CTNNA1: variants seen among roughly 807,000 people sequenced by gnomAD.
CTNNA1 encodes catenin alpha-1.
In CTNNA1, 37 loss-of-function variants were observed where a neutral mutation model predicts 98.4. That is an observed-to-expected ratio of 0.38 (90% CI 0.29 to 0.49). CTNNA1 has a LOEUF of 0.49. Ranked by LOEUF, CTNNA1 falls within the 20% of genes least tolerant of loss-of-function variation. The pLI is 0.95. For missense variants in CTNNA1, 761 were observed against 1,147.2 expected, an observed-to-expected ratio of 0.66 and a Z score of 4.86; for synonymous variants, 404 against 413.2, an observed-to-expected ratio of 0.98 and a Z score of 0.27.
At chr5:138,780,925 C>G (rs920282117) in intron 1 of CTNNA1, among the ~76,000 whole-genome samples, 1 of 141,494 alleles carries the variant, frequency 7.1e-6, no homozygotes, top group Non-Finnish European at 1.5e-5. Flanking sequence ...ATTGAAGGCA[C>G]TACTTTTAGA....
chr5:138,929,327 G>A lies in CTNNA1; in HGVS notation c.1981G>A (p.Asp661Asn), dbSNP rs1021590336. 1.2e-6 allele frequency: 2 copies of A among 1,607,218 alleles called. No individual in the cohort carries two copies. Among genetic ancestry groups the A allele is most frequent in the East Asian group, 2.2e-5 (1 of 44,856 alleles). ...RSRTSVQTEDDQLIAGQSARA... is the reference protein window; with the variant it reads ...RSRTSVQTEDNQLIAGQSARA... Reference sequence around the variant, plus strand: ...CAGGACGAGCGTCCAGACAGAAGACGATCAGCTGATAGCTGGCCAGAGTGC... The same window carrying A: ...CAGGACGAGCGTCCAGACAGAAGACAATCAGCTGATAGCTGGCCAGAGTGC... The change falls in exon 14 of 18, where the codon GAT becomes AAT. Residue 661 changes from aspartate (D) to asparagine (N), a missense_variant. This residue lies in a region of CTNNA1 where 77 missense variants were observed against 198.8 expected (regional missense o/e 0.39). Transcript: ENST00000302763.
intron 7 of CTNNA1, among the ~76,000 whole-genome samples, chr5:138,839,114 G>T (rs1356558768): frequency 6.6e-6 from 1 of 152,066 alleles, no homozygotes; most frequent in South Asian, 2.1e-4. Flanking sequence ...CATAAACTTT[G>T]CATGATTTCA....
chr5:138,819,228 G>A (rs1326765047), intron 5 of CTNNA1, among the ~76,000 whole-genome samples: 1 of 152,124 alleles, frequency 6.6e-6, no homozygotes, highest in Non-Finnish European at 1.5e-5. Flanking sequence ...GTGGAGCTTG[G>A]CAGTATCCTA....
intron 1 of CTNNA1, among the ~76,000 whole-genome samples, chr5:138,768,888 C>T (rs538166023): frequency 1.3e-5 from 2 of 152,166 alleles, no homozygotes; most frequent in East Asian, 3.9e-4. Context: ...TTAATTGCTA[C>T]AGTGATCTGC....
rs1753036044 is a variant in CTNNA1, at chr5:138,767,222, GAGAC to G, written c.-3+13715_-3+13718del. On this transcript the variant is annotated intron_variant, in intron 1 of 17. Transcript: ENST00000302763. ...GGCTAATTTTTTGTATTTTTTAGTA[GAGAC>G]AGGGTTTCACTGTGTTAGCCAGGAT... is the stretch of plus-strand genomic sequence containing the variant. 2.0e-5 allele frequency among the ~76,000 whole-genome samples: 3 copies of G among 152,204 alleles called. No individual in the cohort carries two copies. The South Asian group carries it at 6.2e-4, about 32-fold the overall frequency.
At chr5:138,932,848 C>T (rs765027278) in intron 17 of CTNNA1, 136 bp downstream of exon 17, 4 of 1,079,052 alleles carry the variant, frequency 3.7e-6, no homozygotes, top group Non-Finnish European at 5.7e-6. Context: ...CTGTCCCAGT[C>T]TCTGGAGACC....
intron 7 of CTNNA1, among the ~76,000 whole-genome samples, chr5:138,835,175 G>A (rs886546772): frequency 2.0e-5 from 3 of 152,174 alleles, no homozygotes; most frequent in African/African-American, 7.2e-5. Flanking sequence ...CGCTTCTTTT[G>A]TGGATCTTCA....
At chr5:138,759,719 C>G (rs1381688847) in intron 1 of CTNNA1, among the ~76,000 whole-genome samples, 3 of 152,148 alleles carry the variant, frequency 2.0e-5, no homozygotes, top group Non-Finnish European at 2.9e-5. Flanking sequence ...CAAGCTGTTT[C>G]AGGAATGCAT....
intron 9 of CTNNA1, among the ~76,000 whole-genome samples, chr5:138,902,520 C>T (rs865786480): frequency 1.3e-5 from 2 of 152,184 alleles, no homozygotes; most frequent in Admixed American, 6.5e-5. Flanking sequence ...CTCAGGTTCA[C>T]GCCATTCTCC....
At chr5:138,808,633 A>G (rs1758359995) in intron 3 of CTNNA1, among the ~76,000 whole-genome samples, 1 of 150,976 alleles carries the variant, frequency 6.6e-6, no homozygotes, top group Non-Finnish European at 1.5e-5. Context: ...GCATCCAAAG[A>G]TGATAGCTAG....
At chr5:138,783,830 C>A (rs919045215) in intron 3 of CTNNA1, among the ~76,000 whole-genome samples, 3 of 152,146 alleles carry the variant, frequency 2.0e-5, no homozygotes, top group African/African-American at 7.2e-5. Context: ...TCTGAAAATA[C>A]TCTAGAAATT....
At chr5:138,867,459 T>C (rs1469290049) in intron 7 of CTNNA1, among the ~76,000 whole-genome samples, 1 of 152,218 alleles carries the variant, frequency 6.6e-6, no homozygotes, top group Non-Finnish European at 1.5e-5. Context: ...TAGAATCCTG[T>C]CCTGAGGATG....
Position 138,925,257 on chromosome 5 carries a change from C to T in CTNNA1, c.1749C>T (p.Val583=), listed in dbSNP as rs1203628463. 6.2e-7 allele frequency: 1 copy of T among 1,613,726 alleles called. No individual in the cohort carries two copies. Among genetic ancestry groups the T allele is most frequent in the African/African-American group, 1.3e-5 (1 of 75,038 alleles). Reference sequence around the variant, plus strand: ...TCTACTGTGCCTCTTTCTCCACAGTCATGCCACGTTTTACTGAGCAAGTAG... The same window carrying T: ...TCTACTGTGCCTCTTTCTCCACAGTTATGCCACGTTTTACTGAGCAAGTAG... ...LEATKLLSNT[V]MPRFTEQVEA... The change falls in exon 13 of 18, where the codon GTC becomes GTT. Residue 583 remains valine (V), a splice_region_variant and synonymous_variant. Transcript: ENST00000302763.
chr5:138,812,440 T>A (rs1758929202), intron 5 of CTNNA1, 138 bp downstream of exon 5: 1 of 880,270 alleles, frequency 1.1e-6, no homozygotes, highest in African/African-American at 1.7e-5. Flanking sequence ...AACTAAGGTG[T>A]CTTTTCAGTA....
chr5:138,754,020 C>A (rs961638455), intron 1 of CTNNA1: 1 of 152,306 alleles, frequency 6.6e-6, no homozygotes, highest in Non-Finnish European at 1.5e-5. Flanking sequence ...GCTGAGACTT[C>A]CCGATGGGGC....
chr5:138,825,691 A>G (rs1230413408), intron 6 of CTNNA1, among the ~76,000 whole-genome samples: 2 of 151,758 alleles, frequency 1.3e-5, no homozygotes, highest in Admixed American at 1.3e-4. Context: ...TTCTTTTGCC[A>G]CTTTACTTTC....
chr5:138,892,906 C>T (rs1381411662), intron 9 of CTNNA1, among the ~76,000 whole-genome samples: 1 of 151,816 alleles, frequency 6.6e-6, no homozygotes, highest in Non-Finnish European at 1.5e-5. Context: ...ATCCCAGCTA[C>T]TCGGGAGGCT....
At chr5:138,889,922 T>C (rs1434774540) in intron 9 of CTNNA1, among the ~76,000 whole-genome samples, 1 of 152,230 alleles carries the variant, frequency 6.6e-6, no homozygotes. Flanking sequence ...TATGGCAGAA[T>C]TTTATTCTTC....
intron 3 of CTNNA1, among the ~76,000 whole-genome samples, chr5:138,805,346 A>G (rs1057254752): frequency 6.6e-6 from 1 of 152,206 alleles, no homozygotes; most frequent in Non-Finnish European, 1.5e-5. Flanking sequence ...CTGTCTTCCA[A>G]AGTAGCTGCA....
Sources: gnomAD v4.1 joint callset for allele counts (sites outside exome capture counted in the v4.1 genomes callset) on GRCh38, gnomAD v4.1.1 for gene constraint, gnomAD v4.1.1 regional missense constraint, MANE v1.5 for transcripts, NCBI Gene and HGNC (gene_info 2026-07-23, HGNC 2026-07-21) for gene names.